Variants in GNA14 observed in about 807,000 individuals in gnomAD.
GNA14 encodes the protein G protein subunit alpha 14.
GNA14 carries 50 observed loss-of-function variants against 42.0 expected under a neutral mutation model. The ratio of observed to expected loss-of-function variants is 1.19; its 90% CI spans 0.95 to 1.51. The LOEUF is 1.51. GNA14 is among the 40% of genes most tolerant of loss of function. GNA14 has a pLI of 0.00. For synonymous variants in GNA14, 173 were observed against 163.1 expected, an observed-to-expected ratio of 1.06 and a Z score of -0.46; for missense variants, 473 against 446.2, an observed-to-expected ratio of 1.06 and a Z score of -0.54.
intron 1 of GNA14, among the ~76,000 whole-genome samples, chr9:77,592,417 C>T (rs901796123): frequency 5.3e-5 from 8 of 152,170 alleles, no homozygotes; most frequent in African/African-American, 1.9e-4. Flanking sequence ...CAGAAATTGG[C>T]AGATTTCACT....
intron 2 of GNA14, among the ~76,000 whole-genome samples, chr9:77,500,085 C>T (rs868637094): frequency 3.3e-5 from 5 of 151,620 alleles, no homozygotes; most frequent in Admixed American, 3.3e-4. Context: ...TGCAATGGCA[C>T]GATCTCAGCT....
intron 1 of GNA14, among the ~76,000 whole-genome samples, chr9:77,606,670 T>A (rs1398749501): frequency 1.3e-5 from 2 of 152,148 alleles, no homozygotes; most frequent in Admixed American, 6.5e-5. Context: ...TTATTTGGGG[T>A]TCCTGGGGAA....
intron 1 of GNA14, among the ~76,000 whole-genome samples, chr9:77,564,318 A>G (rs1587831564): frequency 7.1e-6 from 1 of 141,834 alleles, no homozygotes; most frequent in Admixed American, 7.3e-5. Context: ...AAAAAAACTT[A>G]TTTTTAAGAG....
At chr9:77,513,466 T>G (rs1316086648) in intron 2 of GNA14, among the ~76,000 whole-genome samples, 1 of 152,232 alleles carries the variant, frequency 6.6e-6, no homozygotes, top group East Asian at 1.9e-4. Flanking sequence ...CAATAAAGAC[T>G]GGCACAGAGT....
At chr9:77,450,407 G>A (rs1377547463) in intron 2 of GNA14, among the ~76,000 whole-genome samples, 1 of 152,066 alleles carries the variant, frequency 6.6e-6, no homozygotes, top group Non-Finnish European at 1.5e-5. Flanking sequence ...TTAAGTGCCT[G>A]GGGGCTTACA....
intron 1 of GNA14, among the ~76,000 whole-genome samples, chr9:77,545,381 G>C (rs7033316): frequency 3.9e-5 from 6 of 152,040 alleles, no homozygotes; most frequent in African/African-American, 1.4e-4. Context: ...AAGCTAAGAA[G>C]TCATTCTCTT....
At chr9:77,467,167 G>C (rs1218330517) in intron 2 of GNA14, among the ~76,000 whole-genome samples, 1 of 151,944 alleles carries the variant, frequency 6.6e-6, no homozygotes, top group Non-Finnish European at 1.5e-5. Context: ...GCAGAGTGGG[G>C]CAGGTGCCCA....
chr9:77,559,536 T>G (rs548924314), intron 1 of GNA14, among the ~76,000 whole-genome samples: 1 of 152,280 alleles, frequency 6.6e-6, no homozygotes, highest in Non-Finnish European at 1.5e-5. Flanking sequence ...CCACAGGGCA[T>G]GCAGAAAAGA....
chr9:77,622,847 T>C (rs1233067764), intron 1 of GNA14, among the ~76,000 whole-genome samples: 5 of 143,098 alleles, frequency 3.5e-5, no homozygotes, highest in Non-Finnish European at 7.5e-5. Flanking sequence ...TGAGCTGAGA[T>C]AGAACCACTA....
At chr9:77,598,437 G>A (rs1013614631) in intron 1 of GNA14, among the ~76,000 whole-genome samples, 4 of 152,148 alleles carry the variant, frequency 2.6e-5, no homozygotes, top group Admixed American at 6.5e-5. Context: ...AGTTTATCAC[G>A]TTACACATTT....
chr9:77,620,754 G>A (rs1823907111), intron 1 of GNA14, among the ~76,000 whole-genome samples: 1 of 150,512 alleles, frequency 6.6e-6, no homozygotes. Flanking sequence ...GGCTGAGGCA[G>A]GAGAATTTGT....
chr9:77,577,388 T>TA (rs1823145128), intron 1 of GNA14, among the ~76,000 whole-genome samples: 1 of 152,190 alleles, frequency 6.6e-6, no homozygotes, highest in Non-Finnish European at 1.5e-5. Context: ...AACAATAAAA[T>TA]AGAGTTCAGC....
chr9:77,572,279 G>A (rs1823072015), intron 1 of GNA14, among the ~76,000 whole-genome samples: 1 of 152,190 alleles, frequency 6.6e-6, no homozygotes, highest in Non-Finnish European at 1.5e-5. Context: ...GACCTAACAC[G>A]TAGGGAAGAA....
chr9:77,590,203 C>G (rs936637650), intron 1 of GNA14, among the ~76,000 whole-genome samples: 13 of 152,198 alleles, frequency 8.5e-5, no homozygotes, highest in African/African-American at 3.1e-4. Context: ...AGGCATGAGC[C>G]ACCGCACCCG....
chr9:77,535,216 T>C (rs2131772684), intron 1 of GNA14, among the ~76,000 whole-genome samples: 1 of 152,308 alleles, frequency 6.6e-6, no homozygotes, highest in East Asian at 1.9e-4. Context: ...TGCACCTGTG[T>C]GTACTGCAAC....
intron 1 of GNA14, among the ~76,000 whole-genome samples, chr9:77,617,090 TC>T (rs1209866539): frequency 6.6e-6 from 1 of 152,058 alleles, no homozygotes; most frequent in Non-Finnish European, 1.5e-5. Context: ...CAGGATGGTC[TC>T]GATCTCCTGA....
chr9:77,506,052 C>T (rs1265906247), intron 2 of GNA14, among the ~76,000 whole-genome samples: 2 of 150,814 alleles, frequency 1.3e-5, no homozygotes, highest in Non-Finnish European at 3.0e-5. Context: ...TCACTTGAGG[C>T]CAGGAGTTCA....
At chr9:77,551,057 C>T (rs572517433) in intron 1 of GNA14, among the ~76,000 whole-genome samples, 13 of 152,294 alleles carry the variant, frequency 8.5e-5, no homozygotes, top group African/African-American at 2.9e-4. Context: ...TCAAAACATA[C>T]ATTGCTGAAT....
chr9:77,646,243 C>T (rs116144249), intron 1 of GNA14, among the ~76,000 whole-genome samples: 3 of 152,346 alleles, frequency 2.0e-5, no homozygotes, highest in African/African-American at 7.2e-5. Context: ...CCCCAGCAAA[C>T]AGCTGCCCCT....
Sources: gnomAD v4.1 joint callset for allele counts (sites outside exome capture counted in the v4.1 genomes callset) on GRCh38, gnomAD v4.1.1 for gene constraint, MANE v1.5 for transcripts, NCBI Gene and HGNC (gene_info 2026-07-23, HGNC 2026-07-21) for gene names.